The following SLC24A2 variants were observed in gnomAD, a reference collection of about 807,000 sequenced individuals.
SLC24A2 encodes the protein solute carrier family 24 member 2.
Under a neutral mutation model 62.0 loss-of-function variants are expected in SLC24A2, and 36 were observed. That is an observed-to-expected ratio of 0.58 (90% CI 0.44 to 0.77). The LOEUF is 0.77. Among genes scored for constraint, SLC24A2 ranks in the 30% least tolerant of loss-of-function variants. The probability of loss-of-function intolerance (pLI) is 0.00; values close to 1 mark genes in which losing one functional copy is unlikely to be tolerated. For missense variants in SLC24A2, 846 were observed against 817.9 expected, an observed-to-expected ratio of 1.03 and a Z score of -0.42; for synonymous variants, 358 against 294.0, an observed-to-expected ratio of 1.22 and a Z score of -2.23.
In SLC24A2 at chr9:19,521,864, C is replaced by CT. The variant is rs150938625; in HGVS notation, c.1570-805dup. 5.0e-5 allele frequency among the ~76,000 whole-genome samples: 7 copies of CT among 138,856 alleles called. No homozygotes were observed. In the South Asian group the frequency reaches 6.8e-4, roughly 14 times the overall value. 91.1% of individuals were successfully genotyped at this position (138,856 alleles called of 152,430 possible). ...GGGGAGGGTGGCTATTACTTTTTTTCTTTTTTTTTCTTTTTTTTTTTTTGG... is the reference window on the plus strand; with the variant it reads ...GGGGAGGGTGGCTATTACTTTTTTTCTTTTTTTTTTCTTTTTTTTTTTTTGG... On this transcript the variant is annotated intron_variant, in intron 9 of 10. Coordinates refer to ENST00000341998, the MANE Select transcript of SLC24A2 (RefSeq NM_020344.4).
At chr9:19,732,031 T>TTGCC (rs1387752902) in intron 2 of SLC24A2, among the ~76,000 whole-genome samples, 2 of 152,214 alleles carry the variant, frequency 1.3e-5, no homozygotes, top group Non-Finnish European at 2.9e-5. Flanking sequence ...GGTTGGCACA[T>TTGCC]GGCAGGTGCT....
At chr9:19,622,420 T>C in intron 2 of SLC24A2, 121 bp from the exon 3 acceptor site, 1 of 1,045,586 alleles carries the variant, frequency 9.6e-7, no homozygotes, top group Middle Eastern at 2.3e-4. Flanking sequence ...TTTCTGCTCC[T>C]GGGATGAGTT....
the SLC24A2 span, among the ~76,000 whole-genome samples, chr9:19,795,278 C>A: frequency 7.0e-6 from 1 of 142,976 alleles, no homozygotes; most frequent in Non-Finnish European, 1.5e-5. Flanking sequence ...CCACCACCCC[C>A]ACCCCCGGCC....
At chr9:20,074,605 A>AGG in the SLC24A2 span, among the ~76,000 whole-genome samples, 18 of 52,970 alleles carry the variant, frequency 3.4e-4, no homozygotes, top group South Asian at 6.6e-4. Flanking sequence ...AAGGAAGGAA[A>AGG]GAAGGGAGTG....
At chr9:19,556,025 C>A (rs989221510) in intron 7 of SLC24A2, among the ~76,000 whole-genome samples, 1 of 152,174 alleles carries the variant, frequency 6.6e-6, no homozygotes, top group African/African-American at 2.4e-5. Context: ...TTCTAGGACT[C>A]TTATCAATAC....
the SLC24A2 span, among the ~76,000 whole-genome samples, chr9:20,001,343 G>A: frequency 2.6e-5 from 4 of 152,310 alleles, no homozygotes; most frequent in East Asian, 7.7e-4. Flanking sequence ...TTTGGCTCAG[G>A]TCTGCATGGA....
rs1218182764 is a variant in SLC24A2, at chr9:19,510,395, G to A, written c.*5758C>T. 1 of 146,440 alleles carries A rather than the reference G, an allele frequency of 6.8e-6. No individual in the cohort carries two copies. Among genetic ancestry groups the A allele is most frequent in the African/African-American group, 2.5e-5 (1 of 39,844 alleles). 9.1% of individuals were successfully genotyped at this position (146,440 alleles called of 1,614,324 possible). A position where few individuals can be genotyped will look rare whatever the true frequency, so the allele number is the denominator to read the frequency against. ...ACATAGCGGTAACTTCCAACTATGG[G>A]GCAAAGAGTGAAGAGTGCCCAGATG... On this transcript the variant is annotated 3_prime_UTR_variant, in exon 11 of 11. Coordinates refer to ENST00000341998, the MANE Select transcript of SLC24A2 (RefSeq NM_020344.4).
the SLC24A2 span, among the ~76,000 whole-genome samples, chr9:20,020,995 A>G: frequency 1.3e-5 from 2 of 152,138 alleles, no homozygotes; most frequent in African/African-American, 4.8e-5. Flanking sequence ...AAGTTTACCC[A>G]TCATATACAC....
In SLC24A2 at chr9:19,786,574, G is replaced by A; in HGVS notation, c.293C>T (p.Thr98Ile). ...TTCCTTAGAAAGAGGTGGCTGTGGAGTATAATCCAGAATCTTGTCATTTAA... is the reference window on the plus strand; with the variant it reads ...TTCCTTAGAAAGAGGTGGCTGTGGAATATAATCCAGAATCTTGTCATTTAA... Reference protein sequence around the residue: ...LDLNDKILDYTPQPPLSKEGE... With the variant: ...LDLNDKILDYIPQPPLSKEGE... The change falls in exon 2 of 11, where the codon ACT (threonine) becomes ATT (isoleucine). Residue 98 changes from threonine to isoleucine, a missense_variant. Transcript: ENST00000341998. The surrounding 1 kb of genome is among the most constrained non-coding windows in gnomAD (Gnocchi z 5.0). The A allele has an allele frequency of 6.2e-7, 1 of 1,614,156 alleles. No homozygotes were observed. Among genetic ancestry groups the A allele is most frequent in the Non-Finnish European group, 8.5e-7 (1 of 1,180,022 alleles).
In SLC24A2 at chr9:19,515,139, G is replaced by A. The variant is rs1037941692; in HGVS notation, c.*1014C>T. The A allele has an allele frequency of 3.9e-5, 6 of 152,214 alleles. 1 individual carries two copies. The highest frequency in any genetic ancestry group is 2.1e-4 in the South Asian group (1 of 4,822). The allele number at this position is 152,214 out of a possible 1,614,324, so 9.4% of individuals were successfully genotyped here. ...TCTTCTTTTGATGATAATGGGACAT[G>A]CGCTGGAAAAATACAGGTTCAGTTT... On this transcript the variant is annotated 3_prime_UTR_variant, in exon 11 of 11. Coordinates refer to ENST00000341998, the MANE Select transcript of SLC24A2 (RefSeq NM_020344.4).
chr9:19,735,322 A>AATATT (rs1821473738), intron 2 of SLC24A2, among the ~76,000 whole-genome samples: 1 of 152,194 alleles, frequency 6.6e-6, no homozygotes, highest in Non-Finnish European at 1.5e-5. Flanking sequence ...ATCTCACACC[A>AATATT]GTTAGAATGG....
intron 4 of SLC24A2, among the ~76,000 whole-genome samples, chr9:19,616,403 G>A (rs1014526900): frequency 4.5e-4 from 68 of 152,156 alleles, no homozygotes; most frequent in African/African-American, 1.6e-3. Context: ...TAGGTGACTT[G>A]TCCGAGGTCA....
chr9:19,935,117 GA>G, the SLC24A2 span, among the ~76,000 whole-genome samples: 1 of 151,662 alleles, frequency 6.6e-6, no homozygotes, highest in South Asian at 2.1e-4. Flanking sequence ...AGGATGGGTG[GA>G]AAATATTTCT....
chr9:20,054,293 G>A, the SLC24A2 span, among the ~76,000 whole-genome samples: 1 of 152,096 alleles, frequency 6.6e-6, no homozygotes, highest in African/African-American at 2.4e-5. Context: ...CTGGGTTCAA[G>A]TGATTCTCCT....
At chr9:20,253,777 G>C in the SLC24A2 span, among the ~76,000 whole-genome samples, 10 of 152,278 alleles carry the variant, frequency 6.6e-5, no homozygotes, top group Admixed American at 6.5e-4. Flanking sequence ...ACACTTGGAG[G>C]AGAGAGTGAC....
chr9:19,740,361 T>C (rs1821636978), intron 2 of SLC24A2, among the ~76,000 whole-genome samples: 1 of 152,152 alleles, frequency 6.6e-6, no homozygotes, highest in East Asian at 1.9e-4. Flanking sequence ...ATGAATAAAT[T>C]GTAGTGTATT....
At chr9:20,243,010 C>T in the SLC24A2 span, among the ~76,000 whole-genome samples, 1 of 152,140 alleles carries the variant, frequency 6.6e-6, no homozygotes, top group Non-Finnish European at 1.5e-5. Context: ...CAAGACCTTT[C>T]TTCAATAACC....
the SLC24A2 span, among the ~76,000 whole-genome samples, chr9:19,843,170 T>A: frequency 6.6e-6 from 1 of 152,120 alleles, no homozygotes; most frequent in African/African-American, 2.4e-5. Flanking sequence ...TAGAAGAGTG[T>A]CCTTTGTCTT....
At chr9:19,970,414 T>G in the SLC24A2 span, among the ~76,000 whole-genome samples, 1 of 152,198 alleles carries the variant, frequency 6.6e-6, no homozygotes, top group African/African-American at 2.4e-5. Flanking sequence ...TGAAGTAACT[T>G]CAGAAAGAGA....
Sources: allele counts gnomAD v4.1 joint callset (sites outside exome capture counted in the v4.1 genomes callset), GRCh38; gene constraint gnomAD v4.1.1; non-coding constraint Gnocchi (gnomAD v3.1); transcripts MANE v1.5; gene names NCBI Gene and HGNC (gene_info 2026-07-23, HGNC 2026-07-21).